ALG13: variants seen among roughly 807,000 people sequenced by gnomAD.
ALG13 encodes ALG13 UDP-N-acetylglucosaminyltransferase subunit, also known as UDP-N-acetylglucosamine transferase subunit ALG13.
Under a neutral mutation model 87.8 loss-of-function variants are expected in ALG13, and 11 were observed. That is an observed-to-expected ratio of 0.13 (90% CI 0.08 to 0.21). The LOEUF (loss-of-function observed/expected upper bound fraction) is 0.21. Among genes scored for constraint, ALG13 ranks in the 10% least tolerant of loss-of-function variants. The probability of loss-of-function intolerance (pLI) is 1.00; values close to 1 mark genes in which losing one functional copy is unlikely to be tolerated. For missense variants in ALG13, 756 were observed against 866.1 expected, an observed-to-expected ratio of 0.87 and a Z score of 1.60; for synonymous variants, 320 against 306.3, an observed-to-expected ratio of 1.04 and a Z score of -0.47.
intron 3 of ALG13, among the ~76,000 whole-genome samples, chrX:111,694,892 G>A (rs903764676): frequency 8.9e-6 from 1 of 112,028 alleles, no homozygotes; most frequent in Non-Finnish European, 1.9e-5. Context: ...TGATTTCTAA[G>A]ACATAAACCT....
Position 111,728,999 on chromosome X carries a change from G to GTTTTTTA in ALG13, c.2368+697_2368+703dup, listed in dbSNP as rs770522038. 7.2e-4 allele frequency among the ~76,000 whole-genome samples: 80 copies of GTTTTTTA among 111,438 alleles called. 1 individual carries two copies. The East Asian group carries it at 0.02, about 28-fold the overall frequency. On this transcript the variant is annotated intron_variant, in intron 19 of 26. Coordinates refer to ENST00000394780, the MANE Select transcript of ALG13 (RefSeq NM_001099922.3). ...GCTATTTAAAGAATACAATTCAATG[G>GTTTTTTA]TTTTTTATTCAGAGTTGCATACCAT...
At chrX:111,690,037 CAG>C (rs1935861914) in intron 3 of ALG13, 9 of 747,803 alleles carry the variant, frequency 1.2e-5, no homozygotes, top group Non-Finnish European at 1.4e-5. Flanking sequence ...GACTTTAAGA[CAG>C]AATTGTAGAC....
intron 2 of ALG13, among the ~76,000 whole-genome samples, chrX:111,684,433 C>T (rs1316075211): frequency 4.5e-5 from 5 of 110,975 alleles, no homozygotes; most frequent in East Asian, 2.8e-4. Flanking sequence ...GCAGTCCTTC[C>T]GCCTCAGGCT....
chrX:111,746,776 G>A (rs1394584071), intron 24 of ALG13, among the ~76,000 whole-genome samples: 1 of 112,093 alleles, frequency 8.9e-6, no homozygotes, highest in Non-Finnish European at 1.9e-5. Context: ...TTCCAAAGTT[G>A]TACCATTTTA....
chrX:111,751,087 T>TGC (rs1944700291), intron 24 of ALG13, among the ~76,000 whole-genome samples: 2 of 92,259 alleles, frequency 2.2e-5, no homozygotes, highest in African/African-American at 1.1e-4. Context: ...TTTTTTTTTT[T>TGC]GCAACGGAGT....
intron 23 of ALG13, among the ~76,000 whole-genome samples, chrX:111,739,311 C>T (rs1305878331): frequency 1.8e-5 from 2 of 112,065 alleles, no homozygotes; most frequent in African/African-American, 3.2e-5. Context: ...ATGATCCAGC[C>T]ACCTCCCACC....
intron 22 of ALG13, among the ~76,000 whole-genome samples, chrX:111,735,841 T>A (rs1943183713): frequency 1.8e-5 from 2 of 110,746 alleles, no homozygotes; most frequent in Admixed American, 1.9e-4. Flanking sequence ...GACAGTATGT[T>A]CAAGAAGAAT....
intron 3 of ALG13, chrX:111,686,088 A>G (rs764239425): frequency 2.3e-6 from 2 of 869,743 alleles, no homozygotes; most frequent in South Asian, 6.6e-5. Flanking sequence ...ACAGGAACTG[A>G]TCATCGTAAT....
At chrX:111,697,116 TAAC>T (rs1315131146) in intron 3 of ALG13, among the ~76,000 whole-genome samples, 2 of 110,480 alleles carry the variant, frequency 1.8e-5, no homozygotes, top group Non-Finnish European at 3.8e-5. Context: ...TGTATTATTC[TAAC>T]AACCTTAGGT....
chrX:111,738,702 T>C (rs1381466412), intron 23 of ALG13, among the ~76,000 whole-genome samples: 1 of 110,252 alleles, frequency 9.1e-6, no homozygotes, highest in Non-Finnish European at 1.9e-5. Flanking sequence ...CACACTCGGC[T>C]AATTACTGTG....
chrX:111,718,108 T>C lies in ALG13; in HGVS notation c.1088-4T>C. 1 of 1,153,392 alleles carries C rather than the reference T, an allele frequency of 8.7e-7. No individual in the cohort carries two copies. Among genetic ancestry groups the C allele is most frequent in the Non-Finnish European group, 1.2e-6 (1 of 865,779 alleles). On this transcript the variant is annotated splice_polypyrimidine_tract_variant and splice_region_variant and intron_variant, in intron 9 of 26. Coordinates refer to ENST00000394780, the MANE Select transcript of ALG13 (RefSeq NM_001099922.3). Reference sequence around the variant, plus strand: ...AATTGGAATTTTGACCATTTTTTCTTCAGCTGTATTGTACGAAATTCTCTA... The same window carrying C: ...AATTGGAATTTTGACCATTTTTTCTCCAGCTGTATTGTACGAAATTCTCTA...
intron 3 of ALG13, among the ~76,000 whole-genome samples, chrX:111,706,905 C>G (rs1208474723): frequency 9.7e-6 from 1 of 102,933 alleles, no homozygotes; most frequent in Non-Finnish European, 2.0e-5. Context: ...GTCATGATTA[C>G]TACTGGATCC....
At chrX:111,747,409 CA>C (rs1185930544) in intron 24 of ALG13, among the ~76,000 whole-genome samples, 1 of 112,247 alleles carries the variant, frequency 8.9e-6, no homozygotes, top group Non-Finnish European at 1.9e-5. Flanking sequence ...TTTATAGATC[CA>C]TTCACCTACT....
In ALG13 at chrX:111,699,894, A is replaced by AT. The variant is rs1192602828; in HGVS notation, c.384-8122dup. 8.8e-4 allele frequency among the ~76,000 whole-genome samples: 91 copies of AT among 103,968 alleles called. 1 individual carries two copies. The highest frequency in any genetic ancestry group is 2.0e-3 in the South Asian group (5 of 2,454). The allele number at this position is 103,968 out of a possible 115,157, so 90.3% of individuals were successfully genotyped here. On this transcript the variant is annotated intron_variant, in intron 3 of 26. Coordinates refer to ENST00000394780, the MANE Select transcript of ALG13 (RefSeq NM_001099922.3). ...TCCGTGGTTCTATATAAATTTAAGGATTTTTTTTTTTCTATTTCGGCAAAA... is the reference window on the plus strand; with the variant it reads ...TCCGTGGTTCTATATAAATTTAAGGATTTTTTTTTTTTCTATTTCGGCAAAA...
At chrX:111,755,209 G>A (rs1427852746) in intron 25 of ALG13, among the ~76,000 whole-genome samples, 1 of 111,812 alleles carries the variant, frequency 8.9e-6, no homozygotes, top group Non-Finnish European at 1.9e-5. Context: ...AATGGTGCTG[G>A]GAAAACTGGC....
At chrX:111,724,157 C>T (rs763126980) in intron 14 of ALG13, among the ~76,000 whole-genome samples, 1 of 112,183 alleles carries the variant, frequency 8.9e-6, no homozygotes, top group South Asian at 3.7e-4. Flanking sequence ...AATTCTGATA[C>T]AAAACTGTTC....
intron 3 of ALG13, chrX:111,688,111 C>T: frequency 2.3e-6 from 2 of 852,383 alleles, no homozygotes; most frequent in Non-Finnish European, 2.9e-6. Context: ...AATTAATAAA[C>T]TTCCTACATC....
intron 2 of ALG13, 32 bp downstream of exon 2, chrX:111,682,326 CTTTTAA>C (rs763784618): frequency 7.2e-6 from 8 of 1,105,136 alleles, no homozygotes; most frequent in Non-Finnish European, 9.6e-6. Flanking sequence ...AGGGTTGGGT[CTTTTAA>C]TTTTAATTTT....
chrX:111,712,447 A>G, intron 6 of ALG13, 37 bp from the exon 7 acceptor site: 1 of 1,044,154 alleles, frequency 9.6e-7, no homozygotes, highest in Non-Finnish European at 1.3e-6. Context: ...CTAGCTACAG[A>G]ATGTTTTTTA....
Sources: allele counts gnomAD v4.1 joint callset (sites outside exome capture counted in the v4.1 genomes callset), GRCh38; gene constraint gnomAD v4.1.1; transcripts MANE v1.5; gene names NCBI Gene and HGNC (gene_info 2026-07-23, HGNC 2026-07-21).